The following SLX4IP variants were observed in gnomAD, a reference collection of about 807,000 sequenced individuals.
The protein encoded by SLX4IP is protein SLX4IP.
SLX4IP carries 34 observed loss-of-function variants against 32.9 expected under a neutral mutation model. That is an observed-to-expected ratio of 1.03 (90% CI 0.79 to 1.38). The LOEUF (loss-of-function observed/expected upper bound fraction) is 1.38, where lower values mean the gene tolerates loss of function less well. SLX4IP is among the 40% of genes most tolerant of loss of function. The pLI is 0.00. For missense variants in SLX4IP, 444 were observed against 479.0 expected, an observed-to-expected ratio of 0.93 and a Z score of 0.68; for synonymous variants, 172 against 171.7, an observed-to-expected ratio of 1.00 and a Z score of -0.01.
intron 6 of SLX4IP, among the ~76,000 whole-genome samples, chr20:10,617,260 C>T (rs2067046107): frequency 6.6e-6 from 1 of 152,192 alleles, no homozygotes; most frequent in Non-Finnish European, 1.5e-5. Flanking sequence ...TTTTGAATCA[C>T]CTGGGAACCT....
intron 2 of SLX4IP, among the ~76,000 whole-genome samples, chr20:10,475,615 C>A (rs2065469517): frequency 6.6e-6 from 1 of 152,204 alleles, no homozygotes; most frequent in Non-Finnish European, 1.5e-5. Context: ...CCTCTGCTGG[C>A]CTCTCTCTGC....
At chr20:10,598,575 A>G in intron 4 of SLX4IP, 100 bp from the exon 5 acceptor site, 2 of 1,105,288 alleles carry the variant, frequency 1.8e-6, no homozygotes, top group South Asian at 1.3e-5. Flanking sequence ...CATTTGCTAA[A>G]TAACTATTGA....
intron 4 of SLX4IP, among the ~76,000 whole-genome samples, chr20:10,566,848 T>C (rs2066400323): frequency 6.6e-6 from 1 of 152,156 alleles, no homozygotes; most frequent in Non-Finnish European, 1.5e-5. Flanking sequence ...CTGAAGTCTG[T>C]GGATGATGTG....
chr20:10,590,224 AT>A (rs2066691834), intron 4 of SLX4IP, among the ~76,000 whole-genome samples: 1 of 152,048 alleles, frequency 6.6e-6, no homozygotes, highest in African/African-American at 2.4e-5. Context: ...AAACTTTGTA[AT>A]TTTTTAATGC....
chr20:10,616,749 T>A (rs2067038167), intron 6 of SLX4IP, among the ~76,000 whole-genome samples: 1 of 152,186 alleles, frequency 6.6e-6, no homozygotes, highest in African/African-American at 2.4e-5. Context: ...CCACAGCCTT[T>A]CCTGACCACC....
chr20:10,450,526 A>G (rs1262566934), intron 1 of SLX4IP, among the ~76,000 whole-genome samples: 1 of 152,202 alleles, frequency 6.6e-6, no homozygotes, highest in East Asian at 1.9e-4. Context: ...ACTTCATTAA[A>G]TATTTTTCTA....
Position 10,449,915 on chromosome 20 carries a change from A to G in SLX4IP, c.-29-8261A>G, listed in dbSNP as rs959941235. On this transcript the variant is annotated intron_variant, in intron 1 of 7. Coordinates refer to ENST00000334534, the MANE Select transcript of SLX4IP (RefSeq NM_001009608.3). ...ACTCTTTGAAAAATTCAGAATCTAC[A>G]TCGTAAATGTAGCTGTTCTTGTTTT... is the stretch of plus-strand genomic sequence containing the variant. Among the ~76,000 whole-genome samples the G allele has an allele frequency of 2.6e-5, 4 of 151,950 alleles. No homozygotes were observed. The South Asian group carries it at 6.2e-4, about 24-fold the overall frequency.
At chr20:10,581,785 G>A (rs2066589005) in intron 4 of SLX4IP, among the ~76,000 whole-genome samples, 1 of 152,084 alleles carries the variant, frequency 6.6e-6, no homozygotes, top group Non-Finnish European at 1.5e-5. Context: ...AGCTGAGTGT[G>A]GTGGTGTGCA....
intron 7 of SLX4IP, among the ~76,000 whole-genome samples, chr20:10,622,360 A>G (rs1224283245): frequency 2.0e-5 from 3 of 152,206 alleles, no homozygotes; most frequent in South Asian, 2.1e-4. Context: ...GACCCTTAAC[A>G]TTGGAAATGA....
Position 10,601,746 on chromosome 20 carries a change from C to G in SLX4IP, c.332C>G (p.Pro111Arg), listed in dbSNP as rs774640303. 1 of 1,613,942 alleles carries G rather than the reference C, an allele frequency of 6.2e-7. No individual in the cohort carries two copies. Among genetic ancestry groups the G allele is most frequent in the Non-Finnish European group, 8.5e-7 (1 of 1,179,902 alleles). The change falls in exon 6 of 8, where the codon CCT (proline) becomes CGT (arginine). Residue 111 changes from proline (P) to arginine (R), a missense_variant. By Grantham distance (103) the Pro-to-Arg change is moderately radical. Transcript: ENST00000334534. ...STQNAELCVF[P>R]DRFVVCVSQL... Reference sequence around the variant, plus strand: ...TTTTATACAGAACTCTGTGTATTCCCTGACAGATTTGTGGTTTGTGTCAGT... The same window carrying G: ...TTTTATACAGAACTCTGTGTATTCCGTGACAGATTTGTGGTTTGTGTCAGT...
At chr20:10,613,434 C>G in intron 6 of SLX4IP, 1 of 1,588,156 alleles carries the variant, frequency 6.3e-7, no homozygotes, top group Non-Finnish European at 8.6e-7. Flanking sequence ...AGAAAAATTC[C>G]ATTATTTCTT....
rs1001627993 is a variant in SLX4IP at position 10,435,324 on chromosome 20, T to G, written c.-159T>G. On this transcript the variant is annotated 5_prime_UTR_variant, in exon 1 of 8. Coordinates refer to ENST00000334534, the MANE Select transcript of SLX4IP (RefSeq NM_001009608.3). ...AAGCGCGAAAGTGCTTCCCTTAAGC[T>G]TCTGAAGGTTGGCTGCAGTTCCGGC... 1.3e-5 allele frequency: 2 copies of G among 152,204 alleles called. No homozygotes were observed. The highest frequency in any genetic ancestry group is 4.8e-5 in the African/African-American group (2 of 41,436). 9.4% of individuals were successfully genotyped at this position (152,204 alleles called of 1,614,324 possible). A position where few individuals can be genotyped will look rare whatever the true frequency, so the allele number is the denominator to read the frequency against.
rs1432779678 is a variant in SLX4IP at position 10,614,174 on chromosome 20, C to A, written c.406-7140C>A. 1.1e-5 allele frequency: 9 copies of A among 824,362 alleles called. No homozygotes were observed. In the Admixed American group the frequency reaches 2.1e-4, roughly 19 times the overall value. The allele number at this position is 824,362 out of a possible 1,614,324, so 51.1% of individuals were successfully genotyped here. On this transcript the variant is annotated intron_variant, in intron 6 of 7. Coordinates refer to ENST00000334534, the MANE Select transcript of SLX4IP (RefSeq NM_001009608.3). Reference sequence around the variant, plus strand: ...GTTGCACGCCCAGCACCCAGTAAAGCCAGCCATTAATTATTTTCATTTGGG... The same window carrying A: ...GTTGCACGCCCAGCACCCAGTAAAGACAGCCATTAATTATTTTCATTTGGG...
At position 10,581,679 on chromosome 20, in the gene SLX4IP, G is replaced by C. The variant is rs561926758; in HGVS notation, c.239-16996G>C. ...GCCTGTAATCCTAACACTTTGTGAG[G>C]CCAAGGCAGGAAGATCATTTGAGAG... On this transcript the variant is annotated intron_variant, in intron 4 of 7. Coordinates refer to ENST00000334534, the MANE Select transcript of SLX4IP (RefSeq NM_001009608.3). Among the ~76,000 whole-genome samples the C allele has an allele frequency of 1.9e-3, 286 of 152,284 alleles. 6 individuals are homozygous for C. In the South Asian group the frequency reaches 0.034, roughly 18 times the overall value.
chr20:10,617,190 T>C (rs2067045312), intron 6 of SLX4IP, among the ~76,000 whole-genome samples: 1 of 152,186 alleles, frequency 6.6e-6, no homozygotes, highest in South Asian at 2.1e-4. Context: ...ACTGTACCAG[T>C]TTGTGTTTGT....
chr20:10,579,361 A>T lies in SLX4IP; in HGVS notation c.238+18541A>T, dbSNP rs914920091. On this transcript the variant is annotated intron_variant, in intron 4 of 7. Transcript: ENST00000334534. Reference sequence around the variant, plus strand: ...TTTCTTGGCACCTTTGTTGAAAATCAGTTGACAATAAATGTGAGTGTTTAT... The same window carrying T: ...TTTCTTGGCACCTTTGTTGAAAATCTGTTGACAATAAATGTGAGTGTTTAT... Among the ~76,000 whole-genome samples, 8 of 152,190 alleles carry T rather than the reference A, an allele frequency of 5.3e-5. No individual in the cohort carries two copies. The South Asian group carries it at 1.7e-3, about 32-fold the overall frequency.
intron 2 of SLX4IP, among the ~76,000 whole-genome samples, chr20:10,502,056 G>A (rs1440856216): frequency 6.6e-6 from 1 of 152,114 alleles, no homozygotes; most frequent in East Asian, 1.9e-4. Context: ...GGGCCGAAAC[G>A]GCGGCTTATT....
At chr20:10,602,697 A>G (rs1568766241) in intron 6 of SLX4IP, among the ~76,000 whole-genome samples, 1 of 152,216 alleles carries the variant, frequency 6.6e-6, no homozygotes, top group Non-Finnish European at 1.5e-5. Flanking sequence ...TTCTAAAATA[A>G]TTTATGGGAA....
At chr20:10,586,496 G>A (rs1336927887) in intron 4 of SLX4IP, among the ~76,000 whole-genome samples, 1 of 152,174 alleles carries the variant, frequency 6.6e-6, no homozygotes, top group Non-Finnish European at 1.5e-5. Flanking sequence ...CACAAGGAAT[G>A]CCTCTAAGTT....
Sources: gnomAD v4.1 joint callset for allele counts (sites outside exome capture counted in the v4.1 genomes callset) on GRCh38, gnomAD v4.1.1 for gene constraint, MANE v1.5 for transcripts, NCBI Gene and HGNC (gene_info 2026-07-23, HGNC 2026-07-21) for gene names.